Variants in SCN9A observed in about 807,000 individuals in gnomAD.
The protein encoded by SCN9A is sodium voltage-gated channel alpha subunit 9.
Under a neutral mutation model 187.0 loss-of-function variants are expected in SCN9A, and 131 were observed. The ratio of observed to expected loss-of-function variants is 0.70; its 90% confidence interval spans 0.61 to 0.81. The LOEUF is 0.81. Ranked by LOEUF, SCN9A falls within the 30% of genes least tolerant of loss-of-function variation. SCN9A has a pLI of 0.00. For synonymous variants in SCN9A, 809 were observed against 808.6 expected, an observed-to-expected ratio of 1.00 and a Z score of -0.01; for missense variants, 2,252 against 2,396.6, an observed-to-expected ratio of 0.94 and a Z score of 1.26.
intron 1 of SCN9A, among the ~76,000 whole-genome samples, chr2:166,354,959 A>T (rs1700117876): frequency 6.6e-6 from 1 of 151,690 alleles, no homozygotes. Flanking sequence ...TTTTTTTTTT[A>T]AAGAGACAAT....
At chr2:166,293,738 T>C (rs1698179698) in intron 8 of SCN9A, among the ~76,000 whole-genome samples, 1 of 152,236 alleles carries the variant, frequency 6.6e-6, no homozygotes, top group African/African-American at 2.4e-5. Context: ...CGTTTTGTGA[T>C]AGTTCTTGGT....
At chr2:166,351,603 A>T (rs1204662945) in intron 1 of SCN9A, among the ~76,000 whole-genome samples, 1 of 152,206 alleles carries the variant, frequency 6.6e-6, no homozygotes, top group Non-Finnish European at 1.5e-5. Context: ...TCAGAGAAGC[A>T]GAGCTGGTGG....
intron 13 of SCN9A, among the ~76,000 whole-genome samples, chr2:166,281,299 T>A (rs1331077588): frequency 1.3e-5 from 2 of 152,248 alleles, no homozygotes; most frequent in East Asian, 3.9e-4. Context: ...TTTGAGCGAA[T>A]ATGTAATTTG....
At chr2:166,328,232 A>G (rs1699411618) in intron 1 of SCN9A, among the ~76,000 whole-genome samples, 2 of 151,974 alleles carry the variant, frequency 1.3e-5, no homozygotes, top group South Asian at 2.1e-4. Context: ...TCATCAAACT[A>G]TATTTTTAGG....
At chr2:166,353,493 CCTA>C (rs1700088090) in intron 1 of SCN9A, among the ~76,000 whole-genome samples, 1 of 152,108 alleles carries the variant, frequency 6.6e-6, no homozygotes, top group Non-Finnish European at 1.5e-5. Flanking sequence ...CTTCTGTTTC[CCTA>C]TTTGCAGTCT....
intron 16 of SCN9A, among the ~76,000 whole-genome samples, chr2:166,274,690 G>A (rs1211386862): frequency 6.6e-6 from 1 of 151,950 alleles, no homozygotes; most frequent in Admixed American, 6.6e-5. Flanking sequence ...AATAATTAAA[G>A]AATAATAATA....
intron 1 of SCN9A, among the ~76,000 whole-genome samples, chr2:166,335,065 G>T (rs1333748355): frequency 6.6e-6 from 1 of 152,078 alleles, no homozygotes; most frequent in East Asian, 1.9e-4. Context: ...GCTTCAAAAG[G>T]AGTTTTTCTT....
rs1328134937 is a variant in SCN9A at position 166,222,988 on chromosome 2, G to T, written c.4398+3579C>A. On this transcript the variant is annotated intron_variant, in intron 24 of 26. Transcript: ENST00000642356. Reference sequence around the variant, plus strand: ...AAAAAAAAAACAGCAACAAAAAACCGTAAAGAGATATCATTTCATACCTGC... The same window carrying T: ...AAAAAAAAAACAGCAACAAAAAACCTTAAAGAGATATCATTTCATACCTGC... Among the ~76,000 whole-genome samples, 7 of 70,874 alleles carry T rather than the reference G, an allele frequency of 9.9e-5. 2 individuals carry two copies. Among genetic ancestry groups the T allele is most frequent in the African/African-American group, 3.7e-4 (7 of 19,176 alleles). 46.5% of individuals were successfully genotyped at this position (70,874 alleles called of 152,430 possible).
intron 24 of SCN9A, among the ~76,000 whole-genome samples, chr2:166,205,922 A>G (rs1042249538): frequency 6.6e-5 from 10 of 152,250 alleles, no homozygotes; most frequent in African/African-American, 1.9e-4. Flanking sequence ...AATGCTCATC[A>G]TCACTGGTCA....
chr2:166,278,018 C>T (rs1386575970), intron 15 of SCN9A, 122 bp downstream of exon 15: 5 of 665,804 alleles, frequency 7.5e-6, no homozygotes, highest in South Asian at 2.4e-5. Context: ...TTTTATTTTA[C>T]TAGATATCAA....
chr2:166,291,825 G>A (rs1319971627), intron 9 of SCN9A, among the ~76,000 whole-genome samples: 1 of 152,156 alleles, frequency 6.6e-6, no homozygotes, highest in Non-Finnish European at 1.5e-5. Context: ...ATGTGGAAAG[G>A]ATTCCCTATA....
chr2:166,338,327 A>G (rs767905631), intron 1 of SCN9A, among the ~76,000 whole-genome samples: 3 of 152,034 alleles, frequency 2.0e-5, no homozygotes, highest in Non-Finnish European at 2.9e-5. Flanking sequence ...CACCCTCGGC[A>G]TTGATTTAGG....
At chr2:166,293,128 C>T (rs1698149229) in intron 9 of SCN9A, 103 bp downstream of exon 9, 4 of 994,936 alleles carry the variant, frequency 4.0e-6, no homozygotes, top group South Asian at 1.8e-5. Context: ...ATAGAGTTTC[C>T]TCCATTCTCA....
intron 1 of SCN9A, among the ~76,000 whole-genome samples, chr2:166,349,481 AT>A (rs1699981822): frequency 6.6e-6 from 1 of 152,222 alleles, no homozygotes; most frequent in African/African-American, 2.4e-5. Context: ...ATTGAACCAT[AT>A]GTTTTACTAA....
chr2:166,251,693 G>A, intron 18 of SCN9A, 72 bp downstream of exon 18: 4 of 1,532,304 alleles, frequency 2.6e-6, no homozygotes, highest in Non-Finnish European at 3.6e-6. Context: ...CCTCTGGTAA[G>A]TATTAGGCGT....
chr2:166,235,363 T>C (rs1171710260), intron 20 of SCN9A, among the ~76,000 whole-genome samples: 3 of 152,142 alleles, frequency 2.0e-5, no homozygotes, highest in Non-Finnish European at 2.9e-5. Context: ...TATACAAATA[T>C]ACGCCTGTAC....
In SCN9A at chr2:166,311,738, G is replaced by C. The variant is rs749215366; in HGVS notation, c.19C>G (p.Pro7Ala). 1.2e-6 allele frequency: 2 copies of C among 1,604,520 alleles called. No individual in the cohort carries two copies. Among genetic ancestry groups the C allele is most frequent in the Non-Finnish European group, 1.7e-6 (2 of 1,173,936 alleles). MAMLPP[P>A]GPQSFVHFTK... Reference sequence around the variant, plus strand: ...AAATGGACAAAGCTCTGAGGTCCTGGGGGAGGCAACATTGCCATCTTTTCA... The same window carrying C: ...AAATGGACAAAGCTCTGAGGTCCTGCGGGAGGCAACATTGCCATCTTTTCA... Residue 7 changes from proline (P) to alanine (A), a missense_variant, in exon 2 of 27, where the codon CCA becomes GCA. Transcript: ENST00000642356.
intron 15 of SCN9A, 25 bp from the exon 16 acceptor site, chr2:166,277,364 G>A (rs2106469628): frequency 6.8e-7 from 1 of 1,463,576 alleles, no homozygotes; most frequent in Non-Finnish European, 9.4e-7. Flanking sequence ...AAAGTTTAAT[G>A]TTAATCACTA....
At chr2:166,347,288 A>G (rs1206335353) in intron 1 of SCN9A, among the ~76,000 whole-genome samples, 1 of 152,182 alleles carries the variant, frequency 6.6e-6, no homozygotes, top group East Asian at 1.9e-4. Flanking sequence ...TACACCTACA[A>G]CTTCTGGCAA....
Sources: allele counts gnomAD v4.1 joint callset (sites outside exome capture counted in the v4.1 genomes callset), GRCh38; gene constraint gnomAD v4.1.1; transcripts MANE v1.5; gene names NCBI Gene and HGNC (gene_info 2026-07-23, HGNC 2026-07-21).